The following CAMK4 variants were observed in gnomAD, a reference collection of about 807,000 sequenced individuals.
CAMK4 encodes calcium/calmodulin dependent protein kinase IV, also known as calcium/calmodulin-dependent protein kinase type IV.
In CAMK4, 22 loss-of-function variants were observed where a neutral mutation model predicts 44.9. The observed-to-expected ratio is 0.49, with a 90% confidence interval of 0.35 to 0.70. The LOEUF is 0.70. Among genes scored for constraint, CAMK4 ranks in the 30% least tolerant of loss-of-function variants. CAMK4 has a pLI of 0.01. For missense variants in CAMK4, 498 were observed against 586.8 expected (o/e 0.85, Z 1.56); for synonymous variants, 218 against 215.4 (o/e 1.01, Z -0.11).
At chr5:111,229,393 T>G (rs1431603242) in intron 1 of CAMK4, among the ~76,000 whole-genome samples, 1 of 152,188 alleles carries the variant, frequency 6.6e-6, no homozygotes, top group African/African-American at 2.4e-5. Context: ...GATCCCACGA[T>G]GAGGGGTTTA....
chr5:111,396,156 A>G (rs1018118387), intron 5 of CAMK4, among the ~76,000 whole-genome samples: 2 of 152,192 alleles, frequency 1.3e-5, no homozygotes, highest in African/African-American at 4.8e-5. Flanking sequence ...GGCTTCTAGA[A>G]ATAGCCAATT....
At chr5:111,428,833 A>G (rs537168300) in intron 5 of CAMK4, among the ~76,000 whole-genome samples, 11 of 152,360 alleles carry the variant, frequency 7.2e-5, no homozygotes, top group Admixed American at 2.6e-4. Flanking sequence ...AAAGATATCA[A>G]TATCCAAGTA....
chr5:111,300,957 T>A (rs76612333), intron 1 of CAMK4, among the ~76,000 whole-genome samples: 26,500 of 150,970 alleles, frequency 0.18, 2,820 homozygotes, highest in Non-Finnish European at 0.24. Flanking sequence ...TGACCATTAT[T>A]TTACATATGG....
chr5:111,332,673 A>G (rs894982713), intron 1 of CAMK4, among the ~76,000 whole-genome samples: 1 of 151,622 alleles, frequency 6.6e-6, no homozygotes, highest in Non-Finnish European at 1.5e-5. Context: ...GAATGCAAGC[A>G]TAAAGATGCA....
At chr5:111,231,510 C>G (rs541274841) in intron 1 of CAMK4, among the ~76,000 whole-genome samples, 2 of 152,316 alleles carry the variant, frequency 1.3e-5, no homozygotes, top group African/African-American at 2.4e-5. Context: ...AGAATCATGT[C>G]TTGAAGCTAG....
intron 1 of CAMK4, among the ~76,000 whole-genome samples, chr5:111,326,572 T>A (rs1214086102): frequency 6.6e-6 from 1 of 151,004 alleles, no homozygotes. Flanking sequence ...TAAAAAAAAA[T>A]CTTCCACCTT....
intron 1 of CAMK4, among the ~76,000 whole-genome samples, chr5:111,310,198 G>A (rs1202688461): frequency 1.3e-5 from 2 of 152,130 alleles, no homozygotes; most frequent in Non-Finnish European, 2.9e-5. Flanking sequence ...AGTTTCTCTA[G>A]TTTTATTGCT....
chr5:111,329,343 C>G (rs1749051688), intron 1 of CAMK4, among the ~76,000 whole-genome samples: 1 of 151,880 alleles, frequency 6.6e-6, no homozygotes, highest in African/African-American at 2.4e-5. Flanking sequence ...TCTCTCACCA[C>G]TCCTATTCAA....
rs76322090 is a variant in CAMK4 at position 111,317,229 on chromosome 5, C to T, written c.162-26795C>T. On this transcript the variant is annotated intron_variant, in intron 1 of 10. Transcript: ENST00000282356. Reference sequence around the variant, plus strand: ...AGGCTAATGTAGGGACTGAAATGTGCTAAAAAATGAATGTCAAATTTCACA... The same window carrying T: ...AGGCTAATGTAGGGACTGAAATGTGTTAAAAAATGAATGTCAAATTTCACA... Among the ~76,000 whole-genome samples the T allele has an allele frequency of 4.5e-3, 688 of 152,092 alleles. 37 individuals carry two copies. The East Asian group carries it at 0.12, about 26-fold the overall frequency.
chr5:111,421,474 G>A (rs531386019), intron 5 of CAMK4, among the ~76,000 whole-genome samples: 6 of 152,178 alleles, frequency 3.9e-5, no homozygotes, highest in Non-Finnish European at 5.9e-5. Context: ...CCCCAACACC[G>A]TGAATGCCAG....
intron 1 of CAMK4, among the ~76,000 whole-genome samples, chr5:111,311,284 C>A (rs1460264115): frequency 6.6e-6 from 1 of 152,192 alleles, no homozygotes; most frequent in Non-Finnish European, 1.5e-5. Context: ...GAGGGGCTGC[C>A]TGCTGCCATG....
chr5:111,332,275 T>C (rs896975933), intron 1 of CAMK4, among the ~76,000 whole-genome samples: 1 of 123,112 alleles, frequency 8.1e-6, no homozygotes, highest in Non-Finnish European at 1.6e-5. Flanking sequence ...TTCCCCTTCC[T>C]GTGTCCATGT....
At chr5:111,359,957 A>C (rs1200791009) in intron 2 of CAMK4, among the ~76,000 whole-genome samples, 2 of 152,112 alleles carry the variant, frequency 1.3e-5, no homozygotes, top group Admixed American at 6.6e-5. Context: ...AGCAGATCCA[A>C]GATTATCATC....
intron 2 of CAMK4, among the ~76,000 whole-genome samples, chr5:111,347,572 C>T (rs440448): frequency 0.38 from 57,227 of 151,698 alleles, 11,303 homozygotes; most frequent in Non-Finnish European, 0.43. Context: ...GGGAGACTGG[C>T]AGTCCCCTAA....
chr5:111,320,491 TTTG>T (rs869249696), intron 1 of CAMK4, among the ~76,000 whole-genome samples: 2 of 123,936 alleles, frequency 1.6e-5, no homozygotes, highest in African/African-American at 2.8e-5. Context: ...ATTGCCCTTT[TTTG>T]TTGTTGTTTG....
At chr5:111,479,912 C>T (rs1415688872) in intron 9 of CAMK4, among the ~76,000 whole-genome samples, 1 of 152,114 alleles carries the variant, frequency 6.6e-6, no homozygotes, top group Non-Finnish European at 1.5e-5. Flanking sequence ...ATCTGACCTC[C>T]CTGCCTCTTC....
In CAMK4 at chr5:111,344,027, T is replaced by C. The variant is rs754254476; in HGVS notation, c.165T>C (p.Gly55=). 3.2e-5 allele frequency: 51 copies of C among 1,591,654 alleles called. No individual in the cohort carries two copies. Among genetic ancestry groups the C allele is most frequent in the Middle Eastern group, 3.3e-4 (2 of 6,000 alleles). ...FFEVESELGR[G]ATSIVYRCKQ... ...TTTTGTCTTTTTCCCCCTCAAGGGGTGCTACATCCATTGTGTACAGATGCA... is the reference window on the plus strand; with the variant it reads ...TTTTGTCTTTTTCCCCCTCAAGGGGCGCTACATCCATTGTGTACAGATGCA... The change falls in exon 2 of 11, where the codon GGT becomes GGC. Residue 55 remains glycine, a synonymous_variant. Transcript: ENST00000282356.
chr5:111,276,080 T>A (rs1750748450), intron 1 of CAMK4, among the ~76,000 whole-genome samples: 1 of 152,200 alleles, frequency 6.6e-6, no homozygotes, highest in Non-Finnish European at 1.5e-5. Context: ...AATCCCTCAT[T>A]CCTTTGATTG....
chr5:111,335,286 T>C (rs1020467109), intron 1 of CAMK4, among the ~76,000 whole-genome samples: 1 of 151,460 alleles, frequency 6.6e-6, no homozygotes, highest in Non-Finnish European at 1.5e-5. Context: ...CTAAATTGTC[T>C]GAACATTGTG....
Sources: gnomAD v4.1 joint callset for allele counts (sites outside exome capture counted in the v4.1 genomes callset) on GRCh38, gnomAD v4.1.1 for gene constraint, MANE v1.5 for transcripts, NCBI Gene and HGNC (gene_info 2026-07-23, HGNC 2026-07-21) for gene names.